The following RTN1 variants were observed in gnomAD, a reference collection of about 807,000 sequenced individuals.
The protein encoded by RTN1 is reticulon-1.
Under a neutral mutation model 65.5 loss-of-function variants are expected in RTN1, and 25 were observed. That is an observed-to-expected ratio of 0.38 (90% CI 0.28 to 0.53). RTN1 has a LOEUF of 0.53. Among genes scored for constraint, RTN1 ranks in the 20% least tolerant of loss-of-function variants. The pLI, the probability that RTN1 is intolerant of heterozygous loss-of-function variation, is 0.79. For synonymous variants in RTN1, 471 were observed against 447.6 expected, an observed-to-expected ratio of 1.05 and a Z score of -0.66; for missense variants, 983 against 1,025.4, an observed-to-expected ratio of 0.96 and a Z score of 0.57.
chr14:59,749,739 ATATATCTATAT>A (rs1885393620), intron 1 of RTN1, among the ~76,000 whole-genome samples: 2 of 104,258 alleles, frequency 1.9e-5, no homozygotes, highest in African/African-American at 1.0e-4. Context: ...ATATTTATAT[ATATATCTATAT>A]GTATATTTAT....
chr14:59,724,385 AC>A (rs1884712131), intron 3 of RTN1, among the ~76,000 whole-genome samples: 1 of 152,192 alleles, frequency 6.6e-6, no homozygotes, highest in African/African-American at 2.4e-5. Context: ...CACTTCTGAA[AC>A]TCTGTCCAGC....
At chr14:59,609,048 G>A (rs1199682218) in intron 3 of RTN1, among the ~76,000 whole-genome samples, 1 of 152,146 alleles carries the variant, frequency 6.6e-6, no homozygotes, top group Non-Finnish European at 1.5e-5. Flanking sequence ...ACTTTGGGAG[G>A]CCGAGGCAGG....
chr14:59,649,928 C>T (rs1339627485), intron 3 of RTN1, among the ~76,000 whole-genome samples: 1 of 152,202 alleles, frequency 6.6e-6, no homozygotes, highest in Non-Finnish European at 1.5e-5. Flanking sequence ...ATAAATCATT[C>T]TACCATAAAG....
chr14:59,671,395 G>A (rs1214862376), intron 3 of RTN1, among the ~76,000 whole-genome samples: 1 of 152,158 alleles, frequency 6.6e-6, no homozygotes, highest in Non-Finnish European at 1.5e-5. Context: ...AAGATTACTT[G>A]TAACTCATAT....
intron 3 of RTN1, among the ~76,000 whole-genome samples, chr14:59,629,740 T>C (rs1421920822): frequency 1.3e-5 from 2 of 152,208 alleles, no homozygotes; most frequent in African/African-American, 2.4e-5. Flanking sequence ...AGTGCTAATA[T>C]GGACTATTCC....
At chr14:59,765,328 G>T (rs1316497018) in intron 1 of RTN1, among the ~76,000 whole-genome samples, 1 of 152,216 alleles carries the variant, frequency 6.6e-6, no homozygotes, top group Non-Finnish European at 1.5e-5. Context: ...GGTTATGGAA[G>T]TTTCTCAGAC....
At chr14:59,701,868 G>A (rs575840597) in intron 3 of RTN1, among the ~76,000 whole-genome samples, 8 of 152,206 alleles carry the variant, frequency 5.3e-5, no homozygotes, top group East Asian at 1.9e-4. Flanking sequence ...ACAAATGAAC[G>A]AACACAAATT....
chr14:59,684,007 T>C (rs1883796600), intron 3 of RTN1, among the ~76,000 whole-genome samples: 1 of 152,108 alleles, frequency 6.6e-6, no homozygotes, highest in African/African-American at 2.4e-5. Context: ...AGAAGGCTTC[T>C]GCATTTAAAG....
At chr14:59,663,356 A>G (rs969362633) in intron 3 of RTN1, among the ~76,000 whole-genome samples, 2 of 152,064 alleles carry the variant, frequency 1.3e-5, no homozygotes, top group Admixed American at 1.3e-4. Context: ...AGACTTAAAC[A>G]TAAGACCTAA....
At chr14:59,847,844 C>T (rs913293994) in intron 1 of RTN1, among the ~76,000 whole-genome samples, 9 of 152,196 alleles carry the variant, frequency 5.9e-5, no homozygotes, top group Non-Finnish European at 1.3e-4. Flanking sequence ...GCCTTTCCTG[C>T]ATATGAAGAG....
chr14:59,676,197 G>T (rs1408614384), intron 3 of RTN1, among the ~76,000 whole-genome samples: 1 of 152,168 alleles, frequency 6.6e-6, no homozygotes, highest in African/African-American at 2.4e-5. Context: ...ATGCTGGAAT[G>T]TATACTTATG....
chr14:59,860,044 C>G (rs1887680417), intron 1 of RTN1, among the ~76,000 whole-genome samples: 1 of 152,180 alleles, frequency 6.6e-6, no homozygotes, highest in South Asian at 2.1e-4. Context: ...AAATTCAAGT[C>G]AGCAGCAGAG....
chr14:59,755,286 G>A (rs1369292931), intron 1 of RTN1, among the ~76,000 whole-genome samples: 1 of 152,148 alleles, frequency 6.6e-6, no homozygotes, highest in South Asian at 2.1e-4. Context: ...AAACAAAAAT[G>A]CCAATTATTG....
chr14:59,763,861 C>T (rs1179263971), intron 1 of RTN1, among the ~76,000 whole-genome samples: 2 of 152,096 alleles, frequency 1.3e-5, no homozygotes, highest in African/African-American at 4.8e-5. Context: ...ATCAACTGTA[C>T]ATTCTAAGGA....
At chr14:59,781,699 C>A (rs1347631330) in intron 1 of RTN1, among the ~76,000 whole-genome samples, 1 of 151,980 alleles carries the variant, frequency 6.6e-6, no homozygotes, top group Non-Finnish European at 1.5e-5. Context: ...GAGATGTTTA[C>A]AAATGATAAG....
intron 1 of RTN1, among the ~76,000 whole-genome samples, chr14:59,859,228 T>G (rs1441996901): frequency 4.6e-5 from 7 of 152,202 alleles, no homozygotes; most frequent in Admixed American, 4.6e-4. Context: ...TCCCACGTGT[T>G]GTGGGACAGA....
At chr14:59,622,027 A>G (rs1882267333) in intron 3 of RTN1, among the ~76,000 whole-genome samples, 4 of 152,328 alleles carry the variant, frequency 2.6e-5, no homozygotes. Context: ...GTGACAAATT[A>G]ATGCTACTTT....
intron 3 of RTN1, among the ~76,000 whole-genome samples, chr14:59,644,602 G>C (rs1242578733): frequency 6.6e-6 from 1 of 152,198 alleles, no homozygotes; most frequent in Non-Finnish European, 1.5e-5. Context: ...CGAGGAAAGG[G>C]GCTGAATCCA....
intron 1 of RTN1, among the ~76,000 whole-genome samples, chr14:59,747,557 G>C (rs570391230): frequency 6.6e-6 from 1 of 152,272 alleles, no homozygotes; most frequent in African/African-American, 2.4e-5. Flanking sequence ...GGTAAGCTGA[G>C]ATTGCGCCAT....
Sources: gnomAD v4.1 joint callset for allele counts (sites outside exome capture counted in the v4.1 genomes callset) on GRCh38, gnomAD v4.1.1 for gene constraint, MANE v1.5 for transcripts, NCBI Gene and HGNC (gene_info 2026-07-23, HGNC 2026-07-21) for gene names.